SLMAP: variants seen among roughly 807,000 people sequenced by gnomAD.
The protein encoded by SLMAP is sarcolemma associated protein.
SLMAP carries 44 observed loss-of-function variants against 128.8 expected under a neutral mutation model. That is an observed-to-expected ratio of 0.34 (90% confidence interval 0.27 to 0.44). The LOEUF (loss-of-function observed/expected upper bound fraction) is 0.44. Among genes scored for constraint, SLMAP ranks in the 20% least tolerant of loss-of-function variants. The probability of loss-of-function intolerance (pLI) is 1.00; values close to 1 mark genes in which losing one functional copy is unlikely to be tolerated. For synonymous variants in SLMAP, 327 were observed against 348.8 expected (o/e 0.94, Z 0.70); for missense variants, 787 against 985.3 (o/e 0.80, Z 2.69).
chr3:57,903,742 C>A (rs965266619), intron 17 of SLMAP, among the ~76,000 whole-genome samples: 1 of 152,070 alleles, frequency 6.6e-6, no homozygotes, highest in Non-Finnish European at 1.5e-5. Flanking sequence ...AAGGAAAAAA[C>A]AGATTTACAA....
intron 5 of SLMAP, among the ~76,000 whole-genome samples, chr3:57,848,303 C>G (rs964424666): frequency 6.7e-6 from 1 of 150,078 alleles, no homozygotes; most frequent in Non-Finnish European, 1.5e-5. Context: ...TCTCCTCCTC[C>G]TTCTCTCCCT....
chr3:57,899,220 C>T (rs995985551), intron 17 of SLMAP: 2 of 152,060 alleles, frequency 1.3e-5, no homozygotes, highest in African/African-American at 4.8e-5. Context: ...ATGAGTAGCA[C>T]CAAACAGTAT....
intron 4 of SLMAP, among the ~76,000 whole-genome samples, chr3:57,843,768 TTTCTTTC>T (rs1304359391): frequency 3.2e-5 from 4 of 125,066 alleles, no homozygotes; most frequent in Non-Finnish European, 6.5e-5. Flanking sequence ...CTTTCTTTCT[TTTCTTTC>T]TTTTTTTTTT....
At chr3:57,912,769 A>C in intron 20 of SLMAP, 68 bp downstream of exon 20, 1 of 1,241,826 alleles carries the variant, frequency 8.1e-7, no homozygotes, top group Non-Finnish European at 1.1e-6. Flanking sequence ...TTGTTTAAAA[A>C]AGAAACATGC....
intron 6 of SLMAP, among the ~76,000 whole-genome samples, chr3:57,857,054 T>C (rs2153592753): frequency 6.6e-6 from 1 of 152,014 alleles, no homozygotes; most frequent in East Asian, 1.9e-4. Context: ...TGTATGTATG[T>C]GTGTGTGTGT....
At chr3:57,852,432 T>C (rs2094541308) in intron 6 of SLMAP, among the ~76,000 whole-genome samples, 1 of 152,238 alleles carries the variant, frequency 6.6e-6, no homozygotes, top group African/African-American at 2.4e-5. Context: ...TGGCTTTAAT[T>C]TCTGACCTAC....
chr3:57,772,239 G>T (rs1451812317), intron 2 of SLMAP, among the ~76,000 whole-genome samples: 1 of 152,194 alleles, frequency 6.6e-6, no homozygotes, highest in Non-Finnish European at 1.5e-5. Context: ...GTGTATAAAG[G>T]TCTGTATTGA....
chr3:57,901,706 A>T (rs1559497576), intron 17 of SLMAP: 1 of 152,354 alleles, frequency 6.6e-6, no homozygotes, highest in South Asian at 2.1e-4. Context: ...AGGAAAGGGG[A>T]TGGGGGAAAT....
At chr3:57,849,038 C>T (rs1036955775) in intron 5 of SLMAP, among the ~76,000 whole-genome samples, 4 of 149,880 alleles carry the variant, frequency 2.7e-5, no homozygotes, top group Non-Finnish European at 4.4e-5. Flanking sequence ...GATGGAGTTT[C>T]GCTCTGTCGT....
chr3:57,759,311 C>T (rs4269057), intron 2 of SLMAP, among the ~76,000 whole-genome samples: 37,411 of 150,024 alleles, frequency 0.25, 5,118 homozygotes, highest in East Asian at 0.48. Flanking sequence ...GATTTTTGCT[C>T]CTGTCACCCA....
intron 14 of SLMAP, among the ~76,000 whole-genome samples, chr3:57,873,271 G>A (rs2095526127): frequency 3.3e-5 from 5 of 152,144 alleles, no homozygotes; most frequent in Admixed American, 2.6e-4. Context: ...GGGAGGCCGA[G>A]GTGGGTGGAT....
intron 19 of SLMAP, among the ~76,000 whole-genome samples, chr3:57,911,693 AAAC>A (rs1239761378): frequency 2.0e-5 from 3 of 152,192 alleles, no homozygotes; most frequent in Non-Finnish European, 4.4e-5. Flanking sequence ...TAGAAAAGAT[AAAC>A]AATAAGCAAA....
intron 2 of SLMAP, among the ~76,000 whole-genome samples, chr3:57,808,657 GA>G (rs1352277125): frequency 6.6e-6 from 1 of 152,204 alleles, no homozygotes; most frequent in African/African-American, 2.4e-5. Context: ...ATTTGCTGAA[GA>G]GTGTTTTACT....
At chr3:57,893,050 G>T (rs1230086218) in intron 15 of SLMAP, among the ~76,000 whole-genome samples, 1 of 151,386 alleles carries the variant, frequency 6.6e-6, no homozygotes, top group Admixed American at 6.6e-5. Context: ...ACCCAGGATG[G>T]TCTCGATCTC....
At chr3:57,873,026 A>G (rs370013904) in intron 14 of SLMAP, among the ~76,000 whole-genome samples, 2 of 152,350 alleles carry the variant, frequency 1.3e-5, no homozygotes, top group South Asian at 2.1e-4. Context: ...ATTAAAACAG[A>G]CACAAATTCA....
intron 2 of SLMAP, among the ~76,000 whole-genome samples, chr3:57,761,070 CTAT>C (rs2078537688): frequency 6.6e-6 from 1 of 150,692 alleles, no homozygotes; most frequent in Non-Finnish European, 1.5e-5. Context: ...ATAATGGTAC[CTAT>C]TATTGTTTTG....
At chr3:57,785,860 A>G (rs1456351325) in intron 2 of SLMAP, among the ~76,000 whole-genome samples, 7 of 152,192 alleles carry the variant, frequency 4.6e-5, no homozygotes, top group Admixed American at 4.6e-4. Flanking sequence ...TTATTTTTGT[A>G]TAACATTTTC....
At chr3:57,785,584 A>G (rs543216596) in intron 2 of SLMAP, among the ~76,000 whole-genome samples, 1 of 152,288 alleles carries the variant, frequency 6.6e-6, no homozygotes, top group South Asian at 2.1e-4. Context: ...AGCTATTCCT[A>G]TAGAAACTAA....
At chr3:57,890,760 T>C (rs2096044168) in intron 15 of SLMAP, 1 of 152,234 alleles carries the variant, frequency 6.6e-6, no homozygotes. Flanking sequence ...GTGTTTATCA[T>C]AGTAGAACTT....
Sources: allele counts gnomAD v4.1 joint callset (sites outside exome capture counted in the v4.1 genomes callset), GRCh38; gene constraint gnomAD v4.1.1; transcripts MANE v1.5; gene names NCBI Gene and HGNC (gene_info 2026-07-23, HGNC 2026-07-21).